Variants in PCDH9 observed in about 807,000 individuals in gnomAD.
The protein encoded by PCDH9 is protocadherin-9.
PCDH9 carries 24 observed loss-of-function variants against 70.6 expected under a neutral mutation model. That is an observed-to-expected ratio of 0.34 (90% CI 0.25 to 0.48). The LOEUF (loss-of-function observed/expected upper bound fraction) is 0.48, where lower values mean the gene tolerates loss of function less well. Ranked by LOEUF, PCDH9 falls within the 20% of genes least tolerant of loss-of-function variation. PCDH9 has a pLI of 0.99. For missense variants in PCDH9, 1,281 were observed against 1,503.6 expected (o/e 0.85, Z 2.45); for synonymous variants, 562 against 558.5 (o/e 1.01, Z -0.09).
At chr13:66,870,802 AG>A (rs1201314478) in intron 3 of PCDH9, among the ~76,000 whole-genome samples, 1 of 152,174 alleles carries the variant, frequency 6.6e-6, no homozygotes, top group Non-Finnish European at 1.5e-5. Context: ...ACTGTAAACT[AG>A]TTCAACCATT....
At chr13:67,150,074 C>A (rs992725316) in intron 2 of PCDH9, among the ~76,000 whole-genome samples, 1 of 152,094 alleles carries the variant, frequency 6.6e-6, no homozygotes, top group Admixed American at 6.6e-5. Flanking sequence ...GATATGGAGT[C>A]TCACTCTGTC....
At chr13:66,898,363 G>A (rs116074158) in intron 3 of PCDH9, among the ~76,000 whole-genome samples, 1 of 151,790 alleles carries the variant, frequency 6.6e-6, no homozygotes, top group Non-Finnish European at 1.5e-5. Flanking sequence ...AAAATTTAGT[G>A]TTATTAGTAA....
intron 3 of PCDH9, among the ~76,000 whole-genome samples, chr13:66,669,133 T>C (rs532744670): frequency 6.6e-6 from 1 of 152,322 alleles, no homozygotes; most frequent in Admixed American, 6.5e-5. Flanking sequence ...TCAGGCTACA[T>C]CATGAATTTT....
intron 2 of PCDH9, among the ~76,000 whole-genome samples, chr13:67,137,027 A>G (rs1348240579): frequency 1.3e-5 from 2 of 152,044 alleles, no homozygotes; most frequent in African/African-American, 4.8e-5. Flanking sequence ...TATGTAAATG[A>G]TGAGTTAATG....
At chr13:66,533,719 C>T (rs1362240320) in intron 4 of PCDH9, among the ~76,000 whole-genome samples, 1 of 152,094 alleles carries the variant, frequency 6.6e-6, no homozygotes, top group Non-Finnish European at 1.5e-5. Flanking sequence ...TTTATATTTA[C>T]ATCTACATCT....
rs184905747 is a variant in PCDH9 at position 66,497,114 on chromosome 13, C to T, written c.3340+134096G>A. ...ACGGGTCCTTGCTCTGTTGCCCAGG[C>T]TGAAGTGTAATGGCGGGATCTTGGC... On this transcript the variant is annotated intron_variant, in intron 4 of 4. Transcript: ENST00000377865. Among the ~76,000 whole-genome samples, 5 of 151,916 alleles carry T rather than the reference C, an allele frequency of 3.3e-5. No homozygotes were observed. The East Asian group carries it at 9.7e-4, about 29-fold the overall frequency.
chr13:66,685,324 A>G (rs571313098), intron 3 of PCDH9, among the ~76,000 whole-genome samples: 152 of 152,362 alleles, frequency 1.0e-3, no homozygotes, highest in African/African-American at 3.5e-3. Flanking sequence ...AGAGGGTGCA[A>G]GCCCCAAGCC....
intron 3 of PCDH9, among the ~76,000 whole-genome samples, chr13:66,774,132 G>A (rs1183140346): frequency 6.6e-6 from 1 of 152,078 alleles, no homozygotes; most frequent in Non-Finnish European, 1.5e-5. Flanking sequence ...CAATTATGTA[G>A]GAACATATTC....
chr13:67,218,214 T>A (rs1339083297), intron 2 of PCDH9: 1 of 152,120 alleles, frequency 6.6e-6, no homozygotes, highest in Non-Finnish European at 1.5e-5. Context: ...CATACAGATC[T>A]ATGCAAAATG....
At chr13:67,110,952 G>A (rs1462610466) in intron 2 of PCDH9, among the ~76,000 whole-genome samples, 1 of 152,146 alleles carries the variant, frequency 6.6e-6, no homozygotes, top group Non-Finnish European at 1.5e-5. Flanking sequence ...CCATTAGAAT[G>A]CAAATTCCAT....
chr13:66,804,110 T>G (rs1266656120), intron 3 of PCDH9, among the ~76,000 whole-genome samples: 1 of 152,222 alleles, frequency 6.6e-6, no homozygotes, highest in East Asian at 1.9e-4. Context: ...GTGACTCTAC[T>G]GTTTTCATTG....
chr13:66,862,076 A>T (rs909769736), intron 3 of PCDH9, among the ~76,000 whole-genome samples: 1 of 152,216 alleles, frequency 6.6e-6, no homozygotes, highest in African/African-American at 2.4e-5. Flanking sequence ...GCAATATGCC[A>T]TCATTAGTCA....
chr13:66,924,776 T>C (rs1460428397), intron 2 of PCDH9, among the ~76,000 whole-genome samples: 1 of 151,770 alleles, frequency 6.6e-6, no homozygotes, highest in Non-Finnish European at 1.5e-5. Flanking sequence ...ATTAAAGGAA[T>C]TTCACTGCTC....
chr13:66,319,536 G>A (rs971594201), intron 4 of PCDH9, among the ~76,000 whole-genome samples: 2 of 151,888 alleles, frequency 1.3e-5, no homozygotes, highest in South Asian at 2.1e-4. Context: ...GGTATTAATC[G>A]AAAAGAGTTT....
At chr13:66,515,220 C>T (rs540183689) in intron 4 of PCDH9, among the ~76,000 whole-genome samples, 1 of 152,180 alleles carries the variant, frequency 6.6e-6, no homozygotes, top group East Asian at 1.9e-4. Flanking sequence ...AAGTTACTCA[C>T]ATTAACCTTG....
At chr13:66,588,098 C>T (rs1002922517) in intron 4 of PCDH9, among the ~76,000 whole-genome samples, 1 of 152,002 alleles carries the variant, frequency 6.6e-6, no homozygotes, top group African/African-American at 2.4e-5. Flanking sequence ...TGTAAAAAAT[C>T]ATTTCTAGCT....
intron 3 of PCDH9, chr13:66,876,951 A>G (rs1315773887): frequency 6.6e-6 from 1 of 152,110 alleles, no homozygotes; most frequent in Non-Finnish European, 1.5e-5. Context: ...TATGAAAATA[A>G]TACCTATCTC....
intron 2 of PCDH9, among the ~76,000 whole-genome samples, chr13:67,039,030 G>A (rs2085061622): frequency 6.6e-6 from 1 of 152,174 alleles, no homozygotes; most frequent in South Asian, 2.1e-4. Context: ...TATATATTAT[G>A]CCTATGTGAC....
At chr13:66,954,276 G>A (rs1023229771) in intron 2 of PCDH9, among the ~76,000 whole-genome samples, 21 of 152,132 alleles carry the variant, frequency 1.4e-4, no homozygotes, top group African/African-American at 4.8e-4. Context: ...AATTATATAT[G>A]TACATATTGT....
Sources: allele counts gnomAD v4.1 joint callset (sites outside exome capture counted in the v4.1 genomes callset), GRCh38; gene constraint gnomAD v4.1.1; transcripts MANE v1.5; gene names NCBI Gene and HGNC (gene_info 2026-07-23, HGNC 2026-07-21).